INPP4B: variants seen among roughly 807,000 people sequenced by gnomAD.
The protein encoded by INPP4B is inositol polyphosphate-4-phosphatase type II B.
A neutral mutation model predicts 122.5 loss-of-function variants in INPP4B; 55 were observed. The observed-to-expected ratio is 0.45, with a 90% CI of 0.36 to 0.56. The LOEUF is 0.56. INPP4B is among the 20% of genes least tolerant of loss of function. INPP4B has a pLI of 0.00. For missense variants in INPP4B, 1,000 were observed against 1,097.7 expected, an observed-to-expected ratio of 0.91 and a Z score of 1.26; for synonymous variants, 403 against 388.7, an observed-to-expected ratio of 1.04 and a Z score of -0.43.
chr4:142,117,149 C>G (rs1321372525), intron 21 of INPP4B, among the ~76,000 whole-genome samples: 3 of 152,066 alleles, frequency 2.0e-5, no homozygotes, highest in Non-Finnish European at 4.4e-5. Flanking sequence ...ATGACAGGCT[C>G]TGAAATTGAG....
chr4:142,297,345 A>T (rs951692593), intron 9 of INPP4B, among the ~76,000 whole-genome samples: 7 of 152,164 alleles, frequency 4.6e-5, no homozygotes, highest in African/African-American at 1.7e-4. Flanking sequence ...CCCCTCTCCC[A>T]CTGACCAAGT....
At chr4:142,392,199 C>CT in intron 7 of INPP4B, among the ~76,000 whole-genome samples, 1 of 152,236 alleles carries the variant, frequency 6.6e-6, no homozygotes, top group African/African-American at 2.4e-5. Context: ...ACTGGAACCC[C>CT]TTTAGGTAAA....
intron 9 of INPP4B, among the ~76,000 whole-genome samples, chr4:142,281,213 A>G (rs1751043169): frequency 2.0e-5 from 3 of 151,932 alleles, no homozygotes; most frequent in Admixed American, 2.0e-4. Flanking sequence ...GGCAAGAAAG[A>G]AATATGTTAT....
Position 142,305,441 on chromosome 4 carries a change from C to T in INPP4B, c.503+17G>A. 1 of 1,588,790 alleles carries T rather than the reference C, an allele frequency of 6.3e-7. No homozygotes were observed. The highest frequency in any genetic ancestry group is 1.3e-5 in the African/African-American group (1 of 74,178). On this transcript the variant is annotated intron_variant, in intron 9 of 25. Transcript: ENST00000262992. Reference sequence around the variant, plus strand: ...GTTATTAACTTTAACAGTATTTCTACAAACAAAGAGACCCACCTCAGGCTC... The same window carrying T: ...GTTATTAACTTTAACAGTATTTCTATAAACAAAGAGACCCACCTCAGGCTC...
chr4:142,466,353 C>T (rs1041102756), intron 2 of INPP4B, among the ~76,000 whole-genome samples: 14 of 152,186 alleles, frequency 9.2e-5, no homozygotes, highest in Admixed American at 2.6e-4. Flanking sequence ...TAGCTGCATT[C>T]TGTCCATGTC....
intron 12 of INPP4B, among the ~76,000 whole-genome samples, chr4:142,210,129 C>G (rs1473503209): frequency 6.6e-6 from 1 of 152,144 alleles, no homozygotes; most frequent in Non-Finnish European, 1.5e-5. Context: ...GCTAATTTAA[C>G]CAGTAATAAT....
intron 2 of INPP4B, among the ~76,000 whole-genome samples, chr4:142,658,204 C>T (rs77484606): frequency 6.6e-6 from 1 of 152,138 alleles, no homozygotes; most frequent in Non-Finnish European, 1.5e-5. Flanking sequence ...TGTTGTCTTG[C>T]TTTAATCCTT....
chr4:142,492,360 CA>C (rs367866939), intron 2 of INPP4B, among the ~76,000 whole-genome samples: 2 of 152,124 alleles, frequency 1.3e-5, no homozygotes, highest in African/African-American at 2.4e-5. Flanking sequence ...GGGTAACAGG[CA>C]GAGGTTGAAA....
chr4:142,835,176 C>T (rs543890993), intron 1 of INPP4B, among the ~76,000 whole-genome samples: 1 of 152,130 alleles, frequency 6.6e-6, no homozygotes, highest in Non-Finnish European at 1.5e-5. Context: ...CCCTTGGAAA[C>T]AACACAGCTG....
intron 1 of INPP4B, among the ~76,000 whole-genome samples, chr4:142,759,032 T>A (rs331947): frequency 0.23 from 35,315 of 151,878 alleles, 4,374 homozygotes; most frequent in South Asian, 0.35. Flanking sequence ...GAACAACTAC[T>A]ATGTGACTGT....
chr4:142,084,422 T>A (rs780619030), intron 24 of INPP4B, among the ~76,000 whole-genome samples: 1 of 152,166 alleles, frequency 6.6e-6, no homozygotes. Context: ...CCTGGCCACT[T>A]TATATTTTTC....
intron 25 of INPP4B, among the ~76,000 whole-genome samples, chr4:142,033,332 C>T (rs1280282307): frequency 1.3e-5 from 2 of 152,184 alleles, no homozygotes; most frequent in African/African-American, 4.8e-5. Flanking sequence ...GTGCCAGCCA[C>T]ACCCTCTGGA....
intron 25 of INPP4B, among the ~76,000 whole-genome samples, chr4:142,031,864 G>A (rs1438689359): frequency 6.6e-6 from 1 of 152,152 alleles, no homozygotes; most frequent in African/African-American, 2.4e-5. Context: ...TTGCTGCTGT[G>A]TAGGCACTGG....
At chr4:142,234,563 G>A (rs895975556) in intron 12 of INPP4B, among the ~76,000 whole-genome samples, 6 of 151,786 alleles carry the variant, frequency 4.0e-5, no homozygotes, top group African/African-American at 7.3e-5. Flanking sequence ...TCTCCTTTTC[G>A]TTATAAAATG....
At chr4:142,545,837 A>C (rs1309049697) in intron 2 of INPP4B, among the ~76,000 whole-genome samples, 1 of 145,440 alleles carries the variant, frequency 6.9e-6, no homozygotes, top group African/African-American at 2.5e-5. Flanking sequence ...ATATATATAT[A>C]AAATGGTCTG....
chr4:142,108,499 C>G (rs546434380), intron 22 of INPP4B, among the ~76,000 whole-genome samples: 1 of 152,140 alleles, frequency 6.6e-6, no homozygotes, highest in South Asian at 2.1e-4. Context: ...CTATCCTACT[C>G]CACACCTCTG....
At chr4:142,417,420 T>A (rs1221000717) in intron 5 of INPP4B, among the ~76,000 whole-genome samples, 1 of 152,108 alleles carries the variant, frequency 6.6e-6, no homozygotes, top group African/African-American at 2.4e-5. Flanking sequence ...CTTAGTATCT[T>A]CATCTGGGAA....
chr4:142,680,663 C>A (rs916599647), intron 2 of INPP4B, among the ~76,000 whole-genome samples: 3 of 151,872 alleles, frequency 2.0e-5, no homozygotes, highest in African/African-American at 7.2e-5. Context: ...ACCTTTCATA[C>A]AAATTATTTT....
At chr4:142,195,096 TA>T (rs1232841438) in intron 14 of INPP4B, among the ~76,000 whole-genome samples, 1 of 152,166 alleles carries the variant, frequency 6.6e-6, no homozygotes, top group Non-Finnish European at 1.5e-5. Context: ...ACAGAATGAC[TA>T]AAAATATTAT....
Sources: gnomAD v4.1 joint callset for allele counts (sites outside exome capture counted in the v4.1 genomes callset) on GRCh38, gnomAD v4.1.1 for gene constraint, MANE v1.5 for transcripts, NCBI Gene and HGNC (gene_info 2026-07-23, HGNC 2026-07-21) for gene names.